The following TSPAN1 variants were observed in gnomAD, a reference collection of about 807,000 sequenced individuals.
The protein encoded by TSPAN1 is tetraspanin-1.
In TSPAN1, 23 loss-of-function variants were observed where a neutral mutation model predicts 26.9. That is an observed-to-expected ratio of 0.85 (90% CI 0.62 to 1.21). The LOEUF (loss-of-function observed/expected upper bound fraction) is 1.21, where lower values mean the gene tolerates loss of function less well. Ranked by LOEUF, TSPAN1 falls within the 50% of genes most tolerant of loss-of-function variation. The probability of loss-of-function intolerance (pLI) is 0.00; values close to 1 mark genes in which losing one functional copy is unlikely to be tolerated. For missense variants in TSPAN1, 283 were observed against 298.4 expected, an observed-to-expected ratio of 0.95 and a Z score of 0.38; for synonymous variants, 115 against 114.8, an observed-to-expected ratio of 1.00 and a Z score of -0.01.
At chr1:46,181,259 C>T in intron 3 of TSPAN1, 95 bp downstream of exon 3, 2 of 1,273,882 alleles carry the variant, frequency 1.6e-6, no homozygotes, top group South Asian at 2.6e-5. Context: ...ACTGCTATGC[C>T]CAGGCTTCGT....
At chr1:46,189,862 G>T (rs537349651), downstream of TSPAN1, 2 of 1,613,906 alleles carry the variant, frequency 1.2e-6, no homozygotes, top group South Asian at 2.2e-5. Context: ...ACCTTGGCAA[G>T]CTGGGTCCAG....
At chr1:46,189,721 T>C, downstream of TSPAN1, 3 of 1,551,752 alleles carry the variant, frequency 1.9e-6, no homozygotes, top group Non-Finnish European at 2.6e-6. Context: ...ACAAGGAGGT[T>C]GGAAGAGGTG....
In TSPAN1 at chr1:46,185,477, C is replaced by A. The variant is rs1281476899; in HGVS notation, c.679-9C>A. 1.2e-6 allele frequency: 2 copies of A among 1,614,090 alleles called. No homozygotes were observed. The highest frequency in any genetic ancestry group is 2.7e-5 in the African/African-American group (2 of 74,930). ...GTTCCCTCATCTCTCCCTGTTCCTCCCTCTCCAGCTGGCTGCCATGATTGT... is the reference window on the plus strand; with the variant it reads ...GTTCCCTCATCTCTCCCTGTTCCTCACTCTCCAGCTGGCTGCCATGATTGT... On this transcript the variant is annotated splice_polypyrimidine_tract_variant and intron_variant, in intron 8 of 8. Coordinates refer to ENST00000372003, the MANE Select transcript of TSPAN1 (RefSeq NM_005727.4).
At chr1:46,178,354 C>CAAA (rs34457165) in intron 1 of TSPAN1, among the ~76,000 whole-genome samples, 1 of 142,074 alleles carries the variant, frequency 7.0e-6, no homozygotes. Flanking sequence ...GAGATTCTGT[C>CAAA]AAAAAAAAAA....
chr1:46,187,758 C>T (rs1471809323), downstream of TSPAN1, among the ~76,000 whole-genome samples: 1 of 152,220 alleles, frequency 6.6e-6, no homozygotes, highest in Non-Finnish European at 1.5e-5. Context: ...TGTGCCACCT[C>T]AGGCACTATA....
chr1:46,192,275 A>G, the TSPAN1 span: 1 of 1,613,840 alleles, frequency 6.2e-7, no homozygotes, highest in East Asian at 2.2e-5. Flanking sequence ...TTGGTAGGGG[A>G]CTCCAGCCCC....
chr1:46,188,799 G>A, downstream of TSPAN1: 1 of 1,612,924 alleles, frequency 6.2e-7, no homozygotes. Context: ...GAGTGAGTCT[G>A]TGTCAGCATG....
At chr1:46,190,211 A>C (rs1657653758), downstream of TSPAN1, 1 of 649,606 alleles carries the variant, frequency 1.5e-6, no homozygotes, top group African/African-American at 1.8e-5. Flanking sequence ...CGCCCGGCTA[A>C]TTTTTTGTAT....
downstream of TSPAN1, chr1:46,188,611 C>T: frequency 6.7e-7 from 1 of 1,493,578 alleles, no homozygotes; most frequent in Non-Finnish European, 8.9e-7. Context: ...ACTCACCATC[C>T]AACACAAGTA....
the TSPAN1 span, chr1:46,191,243 C>A: frequency 2.0e-5 from 5 of 251,438 alleles, no homozygotes; most frequent in East Asian, 2.0e-4. Context: ...TATTAGTCAG[C>A]CTCTGAGGGA....
At chr1:46,180,486 C>A (rs765003846) in intron 1 of TSPAN1, 40 bp from the exon 2 acceptor site, 1 of 152,358 alleles carries the variant, frequency 6.6e-6, no homozygotes, top group Non-Finnish European at 1.5e-5. Flanking sequence ...GGCCAGCAGG[C>A]GGGCAGAAGG....
At position 46,184,364 on chromosome 1, in the gene TSPAN1, T is replaced by C. The variant is rs1657377779; in HGVS notation, c.231T>C (p.Gly77=). The C allele has an allele frequency of 6.2e-7, 1 of 1,614,016 alleles. No homozygotes were observed. The highest frequency in any genetic ancestry group is 1.3e-5 in the African/African-American group (1 of 74,900). ...CTCTTGGTTTCCTGGGCTGCTATGG[T>C]GCTAAGACTGAGAGCAAGTGTGCCC... ...VFALGFLGCY[G]AKTESKCALV... Residue 77 remains glycine, a synonymous_variant, in exon 4 of 9, where the codon GGT becomes GGC. Transcript: ENST00000372003.
At chr1:46,182,105 C>G (rs1323541421) in intron 3 of TSPAN1, among the ~76,000 whole-genome samples, 1 of 151,402 alleles carries the variant, frequency 6.6e-6, no homozygotes, top group East Asian at 1.9e-4. Flanking sequence ...ATGAGCAACC[C>G]AGATGGCAGG....
intron 1 of TSPAN1, chr1:46,176,519 G>C (rs935768339): frequency 2.6e-6 from 4 of 1,530,510 alleles, no homozygotes; most frequent in Non-Finnish European, 3.5e-6. Flanking sequence ...TGTTGGCCAG[G>C]GTAGCTGAGG....
chr1:46,194,895 C>A, the TSPAN1 span: 1 of 1,614,192 alleles, frequency 6.2e-7, no homozygotes, highest in Admixed American at 1.7e-5. Flanking sequence ...AGGGCAGGGC[C>A]AGCCTGGCTG....
chr1:46,186,454 G>T (rs1275867425), downstream of TSPAN1, among the ~76,000 whole-genome samples: 1 of 147,792 alleles, frequency 6.8e-6, no homozygotes, highest in Non-Finnish European at 1.5e-5. Flanking sequence ...CCTACCTGGT[G>T]TTCTTCAGAC....
At chr1:46,176,211 C>T (rs1240979177) in intron 1 of TSPAN1, 5 of 1,534,438 alleles carry the variant, frequency 3.3e-6, no homozygotes, top group African/African-American at 1.4e-5. Context: ...CCCTGGCTCA[C>T]AGGCCCCCTG....
chr1:46,182,139 G>T (rs895824483), intron 3 of TSPAN1, among the ~76,000 whole-genome samples: 1 of 151,502 alleles, frequency 6.6e-6, no homozygotes. Context: ...TTTGTGGGAA[G>T]GGGTGTCCCA....
the TSPAN1 span, chr1:46,194,704 CT>C: frequency 2.1e-5 from 34 of 1,614,172 alleles, no homozygotes; most frequent in Non-Finnish European, 2.9e-5. Flanking sequence ...AGTTTGGGGG[CT>C]TTTTCCCATC....
Sources: allele counts gnomAD v4.1 joint callset (sites outside exome capture counted in the v4.1 genomes callset), GRCh38; gene constraint gnomAD v4.1.1; transcripts MANE v1.5; gene names NCBI Gene and HGNC (gene_info 2026-07-23, HGNC 2026-07-21).